Variants in DPY19L3 observed in about 807,000 individuals in gnomAD.
The protein encoded by DPY19L3 is dpy-19 like C-mannosyltransferase 3, also known as protein C-mannosyl-transferase DPY19L3.
DPY19L3 carries 51 observed loss-of-function variants against 92.3 expected under a neutral mutation model. The observed-to-expected ratio is 0.55, with a 90% CI of 0.44 to 0.70. DPY19L3 has a LOEUF of 0.70. DPY19L3 is among the 30% of genes least tolerant of loss of function. The pLI is 0.00. For synonymous variants in DPY19L3, 309 were observed against 315.2 expected, an observed-to-expected ratio of 0.98 and a Z score of 0.21; for missense variants, 706 against 855.9, an observed-to-expected ratio of 0.82 and a Z score of 2.18.
intron 10 of DPY19L3, among the ~76,000 whole-genome samples, chr19:32,456,605 C>T (rs1352959670): frequency 6.7e-6 from 1 of 150,228 alleles, no homozygotes; most frequent in Non-Finnish European, 1.5e-5. Flanking sequence ...GGCTAATTTT[C>T]ACAATTTTTG....
At chr19:32,457,731 A>G (rs1320050760) in intron 10 of DPY19L3, among the ~76,000 whole-genome samples, 1 of 152,160 alleles carries the variant, frequency 6.6e-6, no homozygotes, top group Non-Finnish European at 1.5e-5. Context: ...CGGTGTATCT[A>G]TTTGAGGTTT....
At chr19:32,409,188 AAG>A (rs1968090188) in intron 2 of DPY19L3, among the ~76,000 whole-genome samples, 1 of 152,200 alleles carries the variant, frequency 6.6e-6, no homozygotes, top group African/African-American at 2.4e-5. Flanking sequence ...TGCAAAGAAA[AAG>A]AAATATACTC....
intron 15 of DPY19L3, among the ~76,000 whole-genome samples, 200 bp downstream of exon 15, chr19:32,464,984 C>T (rs1309867236): frequency 2.6e-5 from 4 of 152,194 alleles, no homozygotes; most frequent in South Asian, 2.1e-4. Context: ...AACATGATAG[C>T]GAAAACTACT....
chr19:32,442,370 A>G (rs117816946), intron 8 of DPY19L3, among the ~76,000 whole-genome samples: 4,849 of 152,320 alleles, frequency 0.032, 99 homozygotes, highest in Middle Eastern at 0.088. Context: ...TTCTTAATCT[A>G]TTGTGGAAAC....
intron 9 of DPY19L3, among the ~76,000 whole-genome samples, chr19:32,453,820 G>A (rs1167947850): frequency 6.6e-6 from 1 of 152,016 alleles, no homozygotes; most frequent in African/African-American, 2.4e-5. Flanking sequence ...CTAGGGTATT[G>A]TCAAATCATG....
chr19:32,476,202 T>G (rs1372139767), intron 16 of DPY19L3, among the ~76,000 whole-genome samples: 2 of 152,140 alleles, frequency 1.3e-5, no homozygotes, highest in African/African-American at 2.4e-5. Context: ...TGTATGAATG[T>G]GATGAGGCTT....
In DPY19L3 at chr19:32,409,472, A is replaced by G. The variant is rs148678161; in HGVS notation, c.103+1116A>G. ...GCTAATACAGACAGAACTGTGATCA[A>G]TTTCCTTGTGGCCATATGTTTGTTT... On this transcript the variant is annotated intron_variant, in intron 2 of 18. Transcript: ENST00000392250. 2.4e-3 allele frequency among the ~76,000 whole-genome samples: 361 copies of G among 152,362 alleles called. 1 individual carries two copies. Among genetic ancestry groups the G allele is most frequent in the African/African-American group, 7.8e-3 (325 of 41,586 alleles).
intron 17 of DPY19L3, among the ~76,000 whole-genome samples, chr19:32,479,929 G>A (rs1970623143): frequency 6.6e-6 from 1 of 152,188 alleles, no homozygotes; most frequent in South Asian, 2.1e-4. Context: ...AGACCCTACA[G>A]GGATCCTTCT....
intron 3 of DPY19L3, among the ~76,000 whole-genome samples, chr19:32,419,462 A>G (rs772729300): frequency 2.0e-5 from 3 of 151,184 alleles, no homozygotes; most frequent in Non-Finnish European, 4.4e-5. Context: ...TGCCCGGCCT[A>G]TTTGTACCTA....
At chr19:32,407,693 G>A (rs1385967134) in intron 1 of DPY19L3, among the ~76,000 whole-genome samples, 1 of 152,196 alleles carries the variant, frequency 6.6e-6, no homozygotes, top group African/African-American at 2.4e-5. Flanking sequence ...TCCTGGCAGG[G>A]CCTGCTGTAG....
chr19:32,428,039 T>C (rs1212062592), intron 3 of DPY19L3: 1 of 147,436 alleles, frequency 6.8e-6, no homozygotes, highest in Non-Finnish European at 1.5e-5. Context: ...TGCCGGGATC[T>C]CAGCTGACTG....
chr19:32,436,476 C>G lies in DPY19L3; in HGVS notation c.359C>G (p.Thr120Ser). The change falls in exon 5 of 19, where the codon ACT becomes AGT. Residue 120 changes from threonine (T) to serine (S), a missense_variant. Transcript: ENST00000392250. The part of the protein sequence containing the change: ...GFHGLIYDNK[T>S]ESMKTINLLQ... Reference sequence around the variant, plus strand: ...CATGGCCTAATATATGATAATAAAACTGAATCTATGAAGACAATTAACCTC... The same window carrying G: ...CATGGCCTAATATATGATAATAAAAGTGAATCTATGAAGACAATTAACCTC... 6.4e-7 allele frequency: 1 copy of G among 1,556,572 alleles called. No homozygotes were observed. Among genetic ancestry groups the G allele is most frequent in the Non-Finnish European group, 8.8e-7 (1 of 1,138,408 alleles).
chr19:32,437,405 C>A, intron 6 of DPY19L3, 66 bp downstream of exon 6: 1 of 1,523,410 alleles, frequency 6.6e-7, no homozygotes, highest in African/African-American at 1.4e-5. Context: ...CACTTCATTT[C>A]CAGCTCAGAG....
At chr19:32,423,677 C>T (rs1235406330) in intron 3 of DPY19L3, among the ~76,000 whole-genome samples, 5 of 151,910 alleles carry the variant, frequency 3.3e-5, no homozygotes, top group East Asian at 3.9e-4. Context: ...CAGTGTAATA[C>T]GTATAACACA....
chr19:32,437,085 G>A, intron 5 of DPY19L3, 109 bp from the exon 6 acceptor site: 4 of 1,352,976 alleles, frequency 3.0e-6, no homozygotes, highest in Non-Finnish European at 4.1e-6. Context: ...TTGCTGCTTG[G>A]AATTAGAGGC....
intron 8 of DPY19L3, among the ~76,000 whole-genome samples, chr19:32,445,842 A>T (rs187041998): frequency 1.3e-5 from 2 of 152,196 alleles, no homozygotes; most frequent in East Asian, 3.9e-4. Context: ...CTCTACTACA[A>T]ATACAAAAAT....
chr19:32,477,759 G>A (rs1435689881), intron 17 of DPY19L3, 105 bp downstream of exon 17: 1 of 1,434,006 alleles, frequency 7.0e-7, no homozygotes, highest in Admixed American at 2.1e-5. Context: ...TCCAGCATTA[G>A]GTTAGGAGGA....
chr19:32,435,741 G>T (rs2088607076), intron 4 of DPY19L3, among the ~76,000 whole-genome samples: 1 of 152,214 alleles, frequency 6.6e-6, no homozygotes, highest in Non-Finnish European at 1.5e-5. Context: ...GAAGGACTGT[G>T]TGCATGTTTT....
chr19:32,419,781 C>G (rs921158783), intron 3 of DPY19L3, among the ~76,000 whole-genome samples: 1 of 151,860 alleles, frequency 6.6e-6, no homozygotes, highest in African/African-American at 2.4e-5. Flanking sequence ...AACACTAACT[C>G]TAAATTGTCC....
Sources: gnomAD v4.1 joint callset for allele counts (sites outside exome capture counted in the v4.1 genomes callset) on GRCh38, gnomAD v4.1.1 for gene constraint, MANE v1.5 for transcripts, NCBI Gene and HGNC (gene_info 2026-07-23, HGNC 2026-07-21) for gene names.